The following CLCN5 variants were observed in gnomAD, a reference collection of about 807,000 sequenced individuals.
The protein encoded by CLCN5 is Cl-/H+ antiporter 5.
In CLCN5, 17 loss-of-function variants were observed where a neutral mutation model predicts 54.0. That is an observed-to-expected ratio of 0.31 (90% CI 0.22 to 0.47). The LOEUF is 0.47. Among genes scored for constraint, CLCN5 ranks in the 20% least tolerant of loss-of-function variants. The pLI is 1.00. For synonymous variants in CLCN5, 222 were observed against 233.0 expected, an observed-to-expected ratio of 0.95 and a Z score of 0.43; for missense variants, 448 against 646.7, an observed-to-expected ratio of 0.69 and a Z score of 3.33.
chrX:50,092,249 A>G lies in CLCN5; in HGVS notation c.*30A>G, dbSNP rs782043970. On this transcript the variant is annotated 3_prime_UTR_variant, in exon 15 of 15. Transcript: ENST00000376091. ...ATAGAGTTCTGGATGTAAAGCGGGA[A>G]GGACATTACAGACCATGGATATGTT... 1.8e-5 allele frequency: 18 copies of G among 981,915 alleles called. No homozygotes were observed. Among genetic ancestry groups the G allele is most frequent in the Non-Finnish European group, 2.6e-5 (18 of 687,420 alleles). The allele number at this position is 981,915 out of a possible 1,213,427, so 80.9% of individuals were successfully genotyped here. A position where few individuals can be genotyped will look rare whatever the true frequency, so the allele number is the denominator to read the frequency against.
chrX:50,037,554 T>C (rs1184869603), intron 3 of CLCN5, among the ~76,000 whole-genome samples: 2 of 111,553 alleles, frequency 1.8e-5, no homozygotes, highest in African/African-American at 6.5e-5. Flanking sequence ...GGAATCTACA[T>C]GGAGTAGTAG....
In CLCN5 at chrX:50,030,245, C is replaced by T. The variant is rs185401608; in HGVS notation, c.17-12071C>T. Among the ~76,000 whole-genome samples, 45 of 111,880 alleles carry T rather than the reference C, an allele frequency of 4.0e-4. No homozygotes were observed. In the East Asian group the frequency reaches 0.011, roughly 28 times the overall value. ...TTCCAATCAAGAGCATAATACATCT[C>T]TGTTGATTTATATCTTCCTTTTTTC... On this transcript the variant is annotated intron_variant, in intron 3 of 14. Transcript: ENST00000376091.
At chrX:50,076,947 G>A (rs1557192205) in intron 7 of CLCN5, among the ~76,000 whole-genome samples, 1 of 111,734 alleles carries the variant, frequency 8.9e-6, no homozygotes, top group African/African-American at 3.3e-5. Context: ...AGCACACAAA[G>A]CAAAAAACTC....
At chrX:49,938,155 A>G (rs147511840) in intron 3 of CLCN5, among the ~76,000 whole-genome samples, 362 of 111,806 alleles carry the variant, frequency 3.2e-3, no homozygotes, top group Non-Finnish European at 5.5e-3. Flanking sequence ...GATAGGTGGT[A>G]GAACACAAGA....
At chrX:49,949,775 T>C (rs1318285226) in intron 3 of CLCN5, among the ~76,000 whole-genome samples, 1 of 111,883 alleles carries the variant, frequency 8.9e-6, no homozygotes, top group African/African-American at 3.3e-5. Context: ...GGTAATGTAG[T>C]GATTTATTCA....
intron 4 of CLCN5, among the ~76,000 whole-genome samples, chrX:50,058,175 A>G (rs1370694591): frequency 8.9e-6 from 1 of 111,774 alleles, no homozygotes; most frequent in Non-Finnish European, 1.9e-5. Flanking sequence ...ATATATACCA[A>G]TAGCCCTGCC....
intron 3 of CLCN5, among the ~76,000 whole-genome samples, chrX:49,927,130 C>T (rs782544995): frequency 3.1e-4 from 35 of 111,501 alleles, no homozygotes; most frequent in Non-Finnish European, 5.1e-4. Flanking sequence ...TTTGAAAGTA[C>T]AGAACTGATA....
At chrX:49,953,943 C>G (rs1283953191) in intron 3 of CLCN5, among the ~76,000 whole-genome samples, 1 of 111,543 alleles carries the variant, frequency 9.0e-6, no homozygotes, top group Non-Finnish European at 1.9e-5. Flanking sequence ...CCTTTAGTTA[C>G]GACGATGTTG....
chrX:50,062,948 C>T (rs1281658681), intron 4 of CLCN5, among the ~76,000 whole-genome samples: 1 of 109,612 alleles, frequency 9.1e-6, no homozygotes, highest in African/African-American at 3.4e-5. Context: ...TAAAGATGTT[C>T]TTTGAAACCA....
Position 50,043,895 on chromosome X carries a change from G to A in CLCN5, c.163+1433G>A, listed in dbSNP as rs782540108. The stretch of plus-strand genomic sequence containing the variant: ...AAACTCTGTCTGGTTCTTTAACTGG[G>A]ATTGCCATTGTAAAAGTAGACAGAG... On this transcript the variant is annotated intron_variant, in intron 4 of 14. Coordinates refer to ENST00000376091, the MANE Select transcript of CLCN5 (RefSeq NM_001127898.4). Among the ~76,000 whole-genome samples the A allele has an allele frequency of 3.7e-4, 41 of 111,633 alleles. No homozygotes were observed. In the South Asian group the frequency reaches 5.2e-3, roughly 14 times the overall value.
rs1925281766 is a variant in CLCN5, at chrX:49,925,261, C to T, written c.-38C>T. ...CAAAACTGAGAGGCTCTGGGAAACTCAGCCTGTGACCCCAGCGTGGGTGAA... is the reference window on the plus strand; with the variant it reads ...CAAAACTGAGAGGCTCTGGGAAACTTAGCCTGTGACCCCAGCGTGGGTGAA... On this transcript the variant is annotated 5_prime_UTR_variant, in exon 3 of 15. Coordinates refer to ENST00000376091, the MANE Select transcript of CLCN5 (RefSeq NM_001127898.4). The T allele has an allele frequency of 8.3e-7, 1 of 1,203,492 alleles. No individual in the cohort carries two copies. The highest frequency in any genetic ancestry group is 1.1e-6 in the Non-Finnish European group (1 of 888,781).
chrX:50,052,761 A>G (rs1156539575), intron 4 of CLCN5, among the ~76,000 whole-genome samples: 2 of 111,740 alleles, frequency 1.8e-5, no homozygotes, highest in African/African-American at 6.5e-5. Context: ...TTACAACACG[A>G]TGATAGTTAA....
intron 5 of CLCN5, 53 bp downstream of exon 5, chrX:50,070,083 T>C (rs1262259871): frequency 6.6e-6 from 7 of 1,065,571 alleles, no homozygotes; most frequent in Non-Finnish European, 9.1e-6. Flanking sequence ...GGGGAAGAAA[T>C]TGAAGATACA....
chrX:49,925,369 A>AC, intron 3 of CLCN5, 55 bp downstream of exon 3: 1 of 1,119,639 alleles, frequency 8.9e-7, no homozygotes, highest in Non-Finnish European at 1.2e-6. Flanking sequence ...TCTATTCTCT[A>AC]CCCTCACCCA....
intron 6 of CLCN5, among the ~76,000 whole-genome samples, chrX:50,074,326 A>G (rs1282629856): frequency 9.0e-6 from 1 of 111,351 alleles, no homozygotes; most frequent in Non-Finnish European, 1.9e-5. Flanking sequence ...TTTATTCTTC[A>G]GGGTAGGGGA....
intron 3 of CLCN5, among the ~76,000 whole-genome samples, chrX:50,018,771 G>A (rs1557183940): frequency 8.9e-6 from 1 of 112,228 alleles, no homozygotes; most frequent in East Asian, 2.8e-4. Context: ...ATTTTTGAAT[G>A]TTGAACTAGC....
At chrX:50,027,249 C>T (rs909976187) in intron 3 of CLCN5, among the ~76,000 whole-genome samples, 1 of 110,600 alleles carries the variant, frequency 9.0e-6, no homozygotes, top group Non-Finnish European at 1.9e-5. Context: ...CTCCTGACCT[C>T]GTGATCCGCC....
At chrX:50,027,531 T>C (rs976443592) in intron 3 of CLCN5, among the ~76,000 whole-genome samples, 6 of 112,262 alleles carry the variant, frequency 5.3e-5, no homozygotes, top group Admixed American at 4.7e-4. Context: ...ATTTCTGTTA[T>C]GGTGTTTTTG....
intron 3 of CLCN5, among the ~76,000 whole-genome samples, chrX:49,995,079 G>A (rs782044090): frequency 4.5e-5 from 5 of 111,486 alleles, no homozygotes; most frequent in East Asian, 2.8e-4. Flanking sequence ...AGATCAAGAC[G>A]TATTCCTAAG....
Sources: gnomAD v4.1 joint callset for allele counts (sites outside exome capture counted in the v4.1 genomes callset) on GRCh38, gnomAD v4.1.1 for gene constraint, MANE v1.5 for transcripts, NCBI Gene and HGNC (gene_info 2026-07-23, HGNC 2026-07-21) for gene names.